The following ROR1 variants were observed in gnomAD, a reference collection of about 807,000 sequenced individuals.
ROR1 encodes inactive tyrosine-protein kinase transmembrane receptor ROR1.
In ROR1, 19 loss-of-function variants were observed where a neutral mutation model predicts 78.8. The ratio of observed to expected loss-of-function variants is 0.24; its 90% CI spans 0.17 to 0.35. The LOEUF (loss-of-function observed/expected upper bound fraction) is 0.35. Among genes scored for constraint, ROR1 ranks in the 10% least tolerant of loss-of-function variants. The pLI is 1.00. For missense variants in ROR1, 917 were observed against 1,177.8 expected (o/e 0.78, Z 3.24); for synonymous variants, 386 against 433.6 (o/e 0.89, Z 1.36).
At chr1:64,002,575 A>G (rs1646394007) in intron 1 of ROR1, among the ~76,000 whole-genome samples, 1 of 152,166 alleles carries the variant, frequency 6.6e-6, no homozygotes, top group African/African-American at 2.4e-5. Context: ...AATACAGTCT[A>G]TTTTTATTCA....
At chr1:63,804,563 T>C (rs1644816700) in intron 1 of ROR1, among the ~76,000 whole-genome samples, 1 of 152,240 alleles carries the variant, frequency 6.6e-6, no homozygotes, top group Admixed American at 6.5e-5. Flanking sequence ...GATGTATGAA[T>C]GAGGATGAGC....
chr1:63,807,210 G>A (rs1644835174), intron 1 of ROR1, among the ~76,000 whole-genome samples: 1 of 152,168 alleles, frequency 6.6e-6, no homozygotes, highest in South Asian at 2.1e-4. Flanking sequence ...GCCACTTCTG[G>A]GAAAATTGCT....
rs540821547 is a variant in ROR1 at position 64,143,172 on chromosome 1, A to G, written c.1174+522A>G. 8.1e-6 allele frequency: 8 copies of G among 989,396 alleles called. No individual in the cohort carries two copies. The East Asian group carries it at 8.9e-4, about 111-fold the overall frequency. The allele number at this position is 989,396 out of a possible 1,614,324, so 61.3% of individuals were successfully genotyped here. A position where few individuals can be genotyped will look rare whatever the true frequency, so the allele number is the denominator to read the frequency against. ...AAGCATATAGGTATCTAGTAAGAAAATGGAATTCCTGAGTCAGTTAACTGT... is the reference window on the plus strand; with the variant it reads ...AAGCATATAGGTATCTAGTAAGAAAGTGGAATTCCTGAGTCAGTTAACTGT... On this transcript the variant is annotated intron_variant, in intron 7 of 8. Transcript: ENST00000371079.
intron 4 of ROR1, among the ~76,000 whole-genome samples, chr1:64,060,968 G>A (rs1373901134): frequency 1.3e-5 from 2 of 152,088 alleles, no homozygotes; most frequent in African/African-American, 4.8e-5. Flanking sequence ...GTATCTTTGT[G>A]TGCAGGGTAC....
Position 63,969,994 on chromosome 1 carries a change from C to A in ROR1, c.92-39311C>A, listed in dbSNP as rs571158495. Reference sequence around the variant, plus strand: ...GTCATAAATCATTACTTTCTTTTATCCATATCATACTCATTTTACCTTATG... The same window carrying A: ...GTCATAAATCATTACTTTCTTTTATACATATCATACTCATTTTACCTTATG... On this transcript the variant is annotated intron_variant, in intron 1 of 8. Transcript: ENST00000371079. 4.6e-5 allele frequency among the ~76,000 whole-genome samples: 7 copies of A among 152,240 alleles called. No homozygotes were observed. In the South Asian group the frequency reaches 1.0e-3, roughly 23 times the overall value.
At chr1:63,971,727 A>G (rs1042421640) in intron 1 of ROR1, among the ~76,000 whole-genome samples, 1 of 152,080 alleles carries the variant, frequency 6.6e-6, no homozygotes, top group Admixed American at 6.6e-5. Flanking sequence ...TAAAGGGAGG[A>G]TCTGGAATGG....
intron 1 of ROR1, among the ~76,000 whole-genome samples, chr1:63,935,452 C>A (rs990940610): frequency 6.6e-6 from 1 of 152,134 alleles, no homozygotes; most frequent in African/African-American, 2.4e-5. Context: ...TGGCACAGAT[C>A]AGGCCTAGGT....
intron 1 of ROR1, among the ~76,000 whole-genome samples, chr1:63,978,345 G>A (rs1646178988): frequency 6.6e-6 from 1 of 152,128 alleles, no homozygotes; most frequent in Admixed American, 6.5e-5. Context: ...GGTCATTAAG[G>A]TAGTCATATT....
intron 7 of ROR1, among the ~76,000 whole-genome samples, chr1:64,155,928 A>G (rs80287814): frequency 1.5e-4 from 23 of 152,340 alleles, no homozygotes; most frequent in African/African-American, 5.5e-4. Context: ...AGGTTCTTTC[A>G]TGAACATTAT....
rs993934566 is a variant in ROR1, at chr1:64,011,579, T to C, written c.163+2203T>C. Among the ~76,000 whole-genome samples the C allele has an allele frequency of 1.8e-4, 27 of 152,258 alleles. 1 individual carries two copies. Among genetic ancestry groups the C allele is most frequent in the Admixed American group, 1.0e-3 (16 of 15,294 alleles). ...TCTACCAGACCAGCACTGTAATTAG[T>C]AGTAGTTGCCCATTAAGAAAGTAGT... On this transcript the variant is annotated intron_variant, in intron 2 of 8. Transcript: ENST00000371079.
intron 8 of ROR1, among the ~76,000 whole-genome samples, chr1:64,171,998 G>A (rs1027285121): frequency 2.6e-5 from 4 of 152,156 alleles, no homozygotes; most frequent in South Asian, 2.1e-4. Context: ...GTCACCTAAG[G>A]TATAACTTCC....
intron 7 of ROR1, among the ~76,000 whole-genome samples, chr1:64,151,897 G>C (rs1158759187): frequency 8.3e-6 from 1 of 120,902 alleles, no homozygotes; most frequent in African/African-American, 2.9e-5. Context: ...AAAAAAAAAA[G>C]TTCAGTAAGG....
chr1:64,113,648 G>A (rs1313061821), intron 4 of ROR1: 1 of 152,128 alleles, frequency 6.6e-6, no homozygotes, highest in Non-Finnish European at 1.5e-5. Flanking sequence ...AATTACAAGT[G>A]TGTCTGATTT....
chr1:63,785,816 G>A (rs1010899484), intron 1 of ROR1, among the ~76,000 whole-genome samples: 22 of 152,028 alleles, frequency 1.4e-4, no homozygotes, highest in African/African-American at 4.8e-4. Flanking sequence ...GTAAGCCACC[G>A]CGCCCGGCCT....
intron 2 of ROR1, among the ~76,000 whole-genome samples, chr1:64,032,198 G>A (rs1220506880): frequency 5.9e-5 from 9 of 151,894 alleles, no homozygotes; most frequent in African/African-American, 1.4e-4. Flanking sequence ...AAAATTAGCC[G>A]GGCATGGTGG....
At chr1:64,023,938 C>G (rs1646586480) in intron 2 of ROR1, among the ~76,000 whole-genome samples, 1 of 152,050 alleles carries the variant, frequency 6.6e-6, no homozygotes, top group African/African-American at 2.4e-5. Flanking sequence ...GCGGTTTTCC[C>G]CATGCTGTTC....
chr1:63,912,812 C>A (rs1032385505), intron 1 of ROR1, among the ~76,000 whole-genome samples: 1 of 152,118 alleles, frequency 6.6e-6, no homozygotes, highest in Non-Finnish European at 1.5e-5. Context: ...ACTGTGGCCA[C>A]GGAAGGGCAG....
intron 1 of ROR1, among the ~76,000 whole-genome samples, chr1:63,907,445 C>T (rs1345822350): frequency 1.3e-5 from 2 of 152,194 alleles, no homozygotes; most frequent in African/African-American, 4.8e-5. Context: ...CAGTGCTTGC[C>T]AGGCACATTA....
At chr1:63,977,362 C>T (rs1047570243) in intron 1 of ROR1, among the ~76,000 whole-genome samples, 1 of 152,052 alleles carries the variant, frequency 6.6e-6, no homozygotes, top group African/African-American at 2.4e-5. Context: ...CACATGAAGT[C>T]GGGTGTGGAA....
Sources: allele counts gnomAD v4.1 joint callset (sites outside exome capture counted in the v4.1 genomes callset), GRCh38; gene constraint gnomAD v4.1.1; transcripts MANE v1.5; gene names NCBI Gene and HGNC (gene_info 2026-07-23, HGNC 2026-07-21).